Variants in NLK observed in about 807,000 individuals in gnomAD.
NLK encodes serine/threonine-protein kinase NLK.
Under a neutral mutation model 59.0 loss-of-function variants are expected in NLK, and 11 were observed. That is an observed-to-expected ratio of 0.19 (90% CI 0.12 to 0.31). The LOEUF (loss-of-function observed/expected upper bound fraction) is 0.31. Ranked by LOEUF, NLK falls within the 10% of genes least tolerant of loss-of-function variation. NLK has a pLI of 1.00. For synonymous variants in NLK, 235 were observed against 235.9 expected (o/e 1.00, Z 0.03); for missense variants, 410 against 661.1 (o/e 0.62, Z 4.16).
At chr17:28,204,579 A>G in the NLK span, among the ~76,000 whole-genome samples, 1 of 152,212 alleles carries the variant, frequency 6.6e-6, no homozygotes, top group South Asian at 2.1e-4. Flanking sequence ...GTATTACTTG[A>G]ACCCCCACCA....
At chr17:28,137,311 A>T (rs894585639) in intron 3 of NLK, among the ~76,000 whole-genome samples, 2 of 152,202 alleles carry the variant, frequency 1.3e-5, no homozygotes, top group South Asian at 2.1e-4. Flanking sequence ...ATATCGTTAT[A>T]CATCTAATGG....
downstream of NLK, among the ~76,000 whole-genome samples, chr17:28,201,253 G>T (rs1223658926): frequency 6.6e-6 from 1 of 151,780 alleles, no homozygotes; most frequent in African/African-American, 2.4e-5. Context: ...GCTAATTTTT[G>T]TATTTTTTTA....
intron 1 of NLK, among the ~76,000 whole-genome samples, chr17:28,076,689 T>C (rs560378741): frequency 6.6e-6 from 1 of 152,322 alleles, no homozygotes; most frequent in Non-Finnish European, 1.5e-5. Context: ...CCCATTTTTG[T>C]GCATCTGTGT....
intron 5 of NLK, among the ~76,000 whole-genome samples, chr17:28,167,925 G>T (rs1286454695): frequency 1.3e-5 from 2 of 152,090 alleles, no homozygotes; most frequent in Non-Finnish European, 2.9e-5. Context: ...AAGATGAGAA[G>T]AATATTTTTA....
chr17:28,089,893 AT>A (rs542270674), intron 1 of NLK, among the ~76,000 whole-genome samples: 30 of 151,770 alleles, frequency 2.0e-4, no homozygotes, highest in African/African-American at 6.5e-4. Flanking sequence ...TTGTGTGTGT[AT>A]TTTTTTTATT....
intron 2 of NLK, among the ~76,000 whole-genome samples, chr17:28,123,013 T>C (rs1906132297): frequency 6.6e-6 from 1 of 152,200 alleles, no homozygotes; most frequent in South Asian, 2.1e-4. Flanking sequence ...ATATATACTC[T>C]TTATGTCTCT....
chr17:28,104,389 G>A (rs946663731), intron 1 of NLK, among the ~76,000 whole-genome samples: 1 of 152,050 alleles, frequency 6.6e-6, no homozygotes, highest in East Asian at 1.9e-4. Context: ...CTGAGTAGCT[G>A]GGATTACAGG....
rs144773307 is a variant in NLK at position 28,185,413 on chromosome 17, G to A, written c.1236+148G>A. 1.6e-3 allele frequency: 857 copies of A among 534,206 alleles called. 6 individuals are homozygous for A. Among genetic ancestry groups the A allele is most frequent in the African/African-American group, 0.014 (731 of 52,030 alleles). The allele number at this position is 534,206 out of a possible 1,614,324, so 33.1% of individuals were successfully genotyped here. Reference sequence around the variant, plus strand: ...CCCCAGTATCATGTGTATCATGCACGCTCATCACACAGAAGTTTGATTATT... The same window carrying A: ...CCCCAGTATCATGTGTATCATGCACACTCATCACACAGAAGTTTGATTATT... On this transcript the variant is annotated intron_variant, in intron 8 of 10. Coordinates refer to ENST00000407008, the MANE Select transcript of NLK (RefSeq NM_016231.5).
intron 3 of NLK, among the ~76,000 whole-genome samples, chr17:28,143,180 A>G (rs1907082055): frequency 1.3e-5 from 2 of 151,874 alleles, no homozygotes; most frequent in African/African-American, 4.8e-5. Context: ...AGTAACTGGG[A>G]CTACAGGCAC....
In NLK at chr17:28,121,773, A is replaced by AC. The variant is rs535318022; in HGVS notation, c.459-829dup. ...CTCGGCCTCCCAAAGTGCTGGGATT[A>AC]CAGGCATGAGCCACTGAGCCTGGCC... On this transcript the variant is annotated intron_variant, in intron 1 of 10. Transcript: ENST00000407008. Among the ~76,000 whole-genome samples the AC allele has an allele frequency of 5.7e-4, 87 of 152,176 alleles. No homozygotes were observed. In the East Asian group the frequency reaches 0.015, roughly 27 times the overall value.
chr17:28,150,182 G>A (rs1907424407), intron 3 of NLK, among the ~76,000 whole-genome samples: 1 of 152,172 alleles, frequency 6.6e-6, no homozygotes, highest in Admixed American at 6.6e-5. Flanking sequence ...TAGGTGTTAT[G>A]AGGATTAAAT....
chr17:28,082,690 G>T (rs969933889), intron 1 of NLK, among the ~76,000 whole-genome samples: 25 of 152,192 alleles, frequency 1.6e-4, no homozygotes, highest in African/African-American at 5.8e-4. Flanking sequence ...TAAAGTTGAT[G>T]CCCAAAAGGG....
chr17:28,110,997 A>T (rs907082491), intron 1 of NLK, among the ~76,000 whole-genome samples: 6 of 151,236 alleles, frequency 4.0e-5, no homozygotes, highest in Non-Finnish European at 4.4e-5. Context: ...GGCGCCCGCC[A>T]CTACGCCCGG....
intron 8 of NLK, among the ~76,000 whole-genome samples, chr17:28,188,930 A>C (rs2058132293): frequency 1.3e-5 from 2 of 152,020 alleles, no homozygotes; most frequent in African/African-American, 4.8e-5. Context: ...TACTTGATTC[A>C]GTCTAAGAGC....
intron 7 of NLK, among the ~76,000 whole-genome samples, chr17:28,177,144 A>G (rs1567737764): frequency 6.6e-6 from 1 of 152,146 alleles, no homozygotes; most frequent in Non-Finnish European, 1.5e-5. Context: ...AGGAAGAGAA[A>G]GGAGGGGTGG....
chr17:28,197,578 T>C (rs1597732641), downstream of NLK, among the ~76,000 whole-genome samples: 1 of 152,200 alleles, frequency 6.6e-6, no homozygotes. Context: ...GATTTGTTCC[T>C]TGTTGCTTTA....
chr17:28,194,740 T>A lies in NLK; in HGVS notation c.*104T>A, dbSNP rs895801873. On this transcript the variant is annotated 3_prime_UTR_variant, in exon 11 of 11. Coordinates refer to ENST00000407008, the MANE Select transcript of NLK (RefSeq NM_016231.5). ...CATGCTTGTACTGTAATTTTACTAA[T>A]GAAGTTTTAAATTAACAACCACTAC... 4.4e-5 allele frequency: 28 copies of A among 635,834 alleles called. No homozygotes were observed. Among genetic ancestry groups the A allele is most frequent in the Non-Finnish European group, 7.0e-5 (27 of 386,976 alleles). 39.4% of individuals were successfully genotyped at this position (635,834 alleles called of 1,614,324 possible).
chr17:28,058,834 T>C (rs1015282901), intron 1 of NLK, among the ~76,000 whole-genome samples: 3 of 151,922 alleles, frequency 2.0e-5, no homozygotes, highest in African/African-American at 7.3e-5. Flanking sequence ...GAAAGAAGAG[T>C]ACCGTCAGCA....
rs755079548 is a variant in NLK, at chr17:28,161,286, A to T, written c.751+20A>T. 3.1e-6 allele frequency: 4 copies of T among 1,306,088 alleles called. No individual in the cohort carries two copies. Among genetic ancestry groups the T allele is most frequent in the South Asian group, 1.2e-5 (1 of 84,190 alleles). 80.9% of individuals were successfully genotyped at this position (1,306,088 alleles called of 1,614,324 possible). A position where few individuals can be genotyped will look rare whatever the true frequency, so the allele number is the denominator to read the frequency against. On this transcript the variant is annotated intron_variant, in intron 4 of 10. Coordinates refer to ENST00000407008, the MANE Select transcript of NLK (RefSeq NM_016231.5). ...TGCGAGGTAAGATTTCTTTATGAAG[A>T]AAAAGGTGCTGTCACACTGTAAATG... is the stretch of plus-strand genomic sequence containing the variant.
Sources: allele counts gnomAD v4.1 joint callset (sites outside exome capture counted in the v4.1 genomes callset), GRCh38; gene constraint gnomAD v4.1.1; transcripts MANE v1.5; gene names NCBI Gene and HGNC (gene_info 2026-07-23, HGNC 2026-07-21).